ITGA8: variants seen among roughly 807,000 people sequenced by gnomAD.
ITGA8 encodes the protein integrin alpha-8.
Under a neutral mutation model 142.3 loss-of-function variants are expected in ITGA8, and 91 were observed. That is an observed-to-expected ratio of 0.64 (90% CI 0.54 to 0.76). The LOEUF (loss-of-function observed/expected upper bound fraction) is 0.76. Ranked by LOEUF, ITGA8 falls within the 30% of genes least tolerant of loss-of-function variation. The pLI, the probability that ITGA8 is intolerant of heterozygous loss-of-function variation, is 0.00. For missense variants in ITGA8, 1,406 were observed against 1,327.7 expected (o/e 1.06, Z -0.92); for synonymous variants, 505 against 485.2 (o/e 1.04, Z -0.54).
chr10:15,518,035 G>A (rs1832995539), intron 29 of ITGA8, among the ~76,000 whole-genome samples: 1 of 152,180 alleles, frequency 6.6e-6, no homozygotes, highest in African/African-American at 2.4e-5. Flanking sequence ...CATATATAGA[G>A]GGAGAATAGA....
intron 25 of ITGA8, among the ~76,000 whole-genome samples, chr10:15,561,245 A>ATATATATATATATATATG (rs1554772750): frequency 1.3e-4 from 17 of 133,818 alleles, no homozygotes; most frequent in African/African-American, 4.9e-4. Context: ...GTATATATAT[A>ATATATATATATATATATG]TATATATATG....
intron 13 of ITGA8, among the ~76,000 whole-genome samples, chr10:15,627,095 A>G (rs1452746183): frequency 3.9e-5 from 6 of 152,146 alleles, no homozygotes; most frequent in Admixed American, 3.3e-4. Context: ...GGGCTTTAAA[A>G]ACAGACACTC....
At chr10:15,688,998 T>C (rs967702454) in intron 2 of ITGA8, among the ~76,000 whole-genome samples, 1 of 152,176 alleles carries the variant, frequency 6.6e-6, no homozygotes, top group Non-Finnish European at 1.5e-5. Context: ...ACCAGAGCAG[T>C]TGGGCAAGAA....
intron 26 of ITGA8, among the ~76,000 whole-genome samples, chr10:15,557,518 A>T (rs1353198623): frequency 6.6e-6 from 1 of 152,208 alleles, no homozygotes; most frequent in African/African-American, 2.4e-5. Flanking sequence ...TGAACACAGC[A>T]TTCTTTTTTT....
intron 2 of ITGA8, among the ~76,000 whole-genome samples, chr10:15,704,450 G>A (rs1385884542): frequency 6.6e-6 from 1 of 152,134 alleles, no homozygotes; most frequent in African/African-American, 2.4e-5. Context: ...GCGAAACCAG[G>A]TTTACAAAAC....
chr10:15,613,887 A>G (rs1564375061), intron 14 of ITGA8, 120 bp from the exon 15 acceptor site: 2 of 663,860 alleles, frequency 3.0e-6, no homozygotes, highest in African/African-American at 3.6e-5. Context: ...GCCATTGCCA[A>G]CGTTCTCAGC....
intron 7 of ITGA8, among the ~76,000 whole-genome samples, chr10:15,671,951 C>G (rs115785884): frequency 6.6e-6 from 1 of 150,642 alleles, no homozygotes; most frequent in South Asian, 2.1e-4. Context: ...TCATAATCCA[C>G]CTTGAGAGTA....
chr10:15,714,871 C>A (rs1246616463), intron 2 of ITGA8, among the ~76,000 whole-genome samples: 1 of 151,930 alleles, frequency 6.6e-6, no homozygotes, highest in African/African-American at 2.4e-5. Context: ...TTGTAGACAC[C>A]CCAGGGACCT....
At chr10:15,683,711 G>T (rs1024615066) in intron 4 of ITGA8, among the ~76,000 whole-genome samples, 1 of 152,346 alleles carries the variant, frequency 6.6e-6, no homozygotes. Flanking sequence ...CACGGAACGT[G>T]AATTTTGAAC....
intron 23 of ITGA8, among the ~76,000 whole-genome samples, chr10:15,583,671 A>G (rs1166308625): frequency 6.6e-6 from 1 of 152,122 alleles, no homozygotes; most frequent in East Asian, 1.9e-4. Context: ...AACTATAGTG[A>G]CAGAAAATAG....
At chr10:15,657,909 A>T (rs1834216415) in intron 10 of ITGA8, among the ~76,000 whole-genome samples, 1 of 152,230 alleles carries the variant, frequency 6.6e-6, no homozygotes, top group Non-Finnish European at 1.5e-5. Flanking sequence ...CTGAATCTAT[A>T]TCTTACTGAA....
intron 13 of ITGA8, among the ~76,000 whole-genome samples, chr10:15,641,349 GA>G (rs2131643440): frequency 6.6e-6 from 1 of 152,286 alleles, no homozygotes; most frequent in South Asian, 2.1e-4. Context: ...TTCATTTCTA[GA>G]AAAATGAAGA....
intron 27 of ITGA8, among the ~76,000 whole-genome samples, chr10:15,538,525 A>T (rs961681557): frequency 6.6e-6 from 1 of 150,952 alleles, no homozygotes; most frequent in Non-Finnish European, 1.5e-5. Flanking sequence ...AAAAAAAAAA[A>T]AAAAAACTAT....
intron 22 of ITGA8, among the ~76,000 whole-genome samples, chr10:15,591,419 A>ATTATG (rs1359105368): frequency 7.0e-6 from 1 of 141,930 alleles, no homozygotes; most frequent in African/African-American, 2.5e-5. Context: ...ATTATATTAT[A>ATTATG]TTATATTATA....
chr10:15,520,754 G>A (rs569007533), intron 28 of ITGA8, among the ~76,000 whole-genome samples: 2 of 152,330 alleles, frequency 1.3e-5, no homozygotes, highest in Admixed American at 6.5e-5. Context: ...TTATCAGAGT[G>A]GCAAGCATTG....
intron 2 of ITGA8, among the ~76,000 whole-genome samples, chr10:15,695,279 C>A (rs576197284): frequency 6.6e-6 from 1 of 152,094 alleles, no homozygotes; most frequent in Admixed American, 6.5e-5. Flanking sequence ...TGTACTGAGA[C>A]GAGTTTTTAA....
chr10:15,541,853 AG>A (rs1355213703), intron 27 of ITGA8, among the ~76,000 whole-genome samples: 1 of 151,334 alleles, frequency 6.6e-6, no homozygotes, highest in Non-Finnish European at 1.5e-5. Context: ...TTATTCACTT[AG>A]CAAATATGAA....
chr10:15,528,061 G>A (rs1199657101), intron 28 of ITGA8, among the ~76,000 whole-genome samples: 2 of 151,840 alleles, frequency 1.3e-5, no homozygotes, highest in African/African-American at 2.4e-5. Context: ...GACTACAGGC[G>A]AGCATCACCA....
Position 15,655,373 on chromosome 10 carries a change from A to G in ITGA8, c.982T>C (p.Ser328Pro). The G allele has an allele frequency of 6.2e-7, 1 of 1,609,190 alleles. No homozygotes were observed. Among genetic ancestry groups the G allele is most frequent in the Non-Finnish European group, 8.5e-7 (1 of 1,175,678 alleles). Reference protein sequence around the residue: ...ASYFGYTVVVSDVNSDGLDDV... With the variant: ...ASYFGYTVVVPDVNSDGLDDV... ...ACTTACCCATCACTGTTAACATCTG[A>G]TACGACAACGGTATATCCAAAATAA... Residue 328 changes from serine (S) to proline (P), a missense_variant, in exon 11 of 30, where the codon TCA becomes CCA. Physicochemically the swap from Ser to Pro is moderately conservative, Grantham distance 74 (BLOSUM62 -1). Coordinates refer to ENST00000378076, the MANE Select transcript of ITGA8 (RefSeq NM_003638.3).
Sources: gnomAD v4.1 joint callset for allele counts (sites outside exome capture counted in the v4.1 genomes callset) on GRCh38, gnomAD v4.1.1 for gene constraint, MANE v1.5 for transcripts, NCBI Gene and HGNC (gene_info 2026-07-23, HGNC 2026-07-21) for gene names.